KMT2D: variants seen among roughly 807,000 people sequenced by gnomAD.
KMT2D encodes the protein histone-lysine N-methyltransferase 2D.
Under a neutral mutation model 512.7 loss-of-function variants are expected in KMT2D, and 55 were observed. That is an observed-to-expected ratio of 0.11 (90% CI 0.09 to 0.13). The LOEUF (loss-of-function observed/expected upper bound fraction) is 0.13, where lower values mean the gene tolerates loss of function less well. Ranked by LOEUF, KMT2D falls within the 10% of genes least tolerant of loss-of-function variation. KMT2D has a pLI of 1.00. For synonymous variants in KMT2D, 2,995 were observed against 2,904.0 expected, an observed-to-expected ratio of 1.03 and a Z score of -1.01; for missense variants, 6,061 against 7,127.9, an observed-to-expected ratio of 0.85 and a Z score of 5.39.
chr12:49,052,132 C>T lies in KMT2D; in HGVS notation c.1551G>A (p.Glu517=), dbSNP rs1264977897. 3 of 1,612,966 alleles carry T rather than the reference C, an allele frequency of 1.9e-6. No individual in the cohort carries two copies. In the Admixed American group the frequency reaches 5.0e-5, roughly 27 times the overall value. ...PESSPFSPLE[E]SPLSPPEESP... ...ACTCTTCCGGTGGAGACAAGGGCGA[C>T]TCCTCCAGTGGAGAAAAAGGTGATG... The change falls in exon 11 of 55, where the codon GAG becomes GAA. Residue 517 remains glutamate (E), a synonymous_variant. Coordinates refer to ENST00000301067, the MANE Select transcript of KMT2D (RefSeq NM_003482.4).
rs368670448 is a variant in KMT2D at position 49,033,363 on chromosome 12, C to T, written c.11342G>A (p.Ser3781Asn). 1.6e-5 allele frequency: 26 copies of T among 1,584,796 alleles called. No homozygotes were observed. Among genetic ancestry groups the T allele is most frequent in the East Asian group, 1.6e-4 (7 of 43,312 alleles). The stretch of plus-strand genomic sequence containing the variant: ...CTGCTGGACCAGGAGGCCTTGGTGG[C>T]TGCTGGGAGGCATAAGGCCCTGGGG... ...PKPQGLMPPS[S>N]HQGLLVQQLS... Residue 3781 changes from serine to asparagine, a missense_variant, in exon 40 of 55, where the codon AGC becomes AAC. This residue lies in a region of KMT2D where 1,600 missense variants were observed against 1,754.9 expected (regional missense o/e 0.91). Coordinates refer to ENST00000301067, the MANE Select transcript of KMT2D (RefSeq NM_003482.4).
rs565879146 is a variant in KMT2D at position 49,049,798 on chromosome 12, G to A, written c.3790C>T (p.Leu1264=). Residue 1264 remains leucine (L), a synonymous_variant, in exon 12 of 55, where the codon CTG becomes TTG. Coordinates refer to ENST00000301067, the MANE Select transcript of KMT2D (RefSeq NM_003482.4). ...EGSLRLCTDS[L]PETDDSLLCD... is the part of the protein sequence containing the mutation. ...AATAGTGAGTCATCAGTCTCTGGCA[G>A]TGAGTCAGTACAGAGCCGTAGGGAG... The A allele has an allele frequency of 9.3e-5, 150 of 1,613,910 alleles. 3 individuals carry two copies. The South Asian group carries it at 1.4e-3, about 15-fold the overall frequency.
In KMT2D at chr12:49,032,480, G is replaced by T; in HGVS notation, c.12225C>A (p.Leu4075=). ...GCTGGGGCTGGGGTTGGACAAGCAGGAGTTGTGAGTCCCCAGAGAGTGAGG... is the reference window on the plus strand; with the variant it reads ...GCTGGGGCTGGGGTTGGACAAGCAGTAGTTGTGAGTCCCCAGAGAGTGAGG... ...VKPSLSGDSQ[L]LLVQPQPQPQ... Residue 4075 remains leucine (L), a synonymous_variant, in exon 40 of 55, where the codon CTC becomes CTA. Transcript: ENST00000301067. The T allele has an allele frequency of 6.4e-7, 1 of 1,567,956 alleles. No individual in the cohort carries two copies. The highest frequency in any genetic ancestry group is 1.2e-5 in the South Asian group (1 of 86,088).
In KMT2D at chr12:49,026,255, C is replaced by T. The variant is rs2137714988; in HGVS notation, c.15711G>A (p.Gly5237=). The change falls in exon 49 of 55, where the codon GGG becomes GGA. Residue 5237 remains glycine (G), a synonymous_variant. Transcript: ENST00000301067. This position sits in a 1 kb window ranked among gnomAD's most constrained non-coding sequence, Gnocchi z 9.6. ...CYRCSIGENN[G]RPEFVIKVIE... ...TGACTTTGATTACAAACTCCGGCCG[C>T]CCGTTGTTCTCACCAATAGAACAGC... 2 of 1,606,784 alleles carry T rather than the reference C, an allele frequency of 1.2e-6. No individual in the cohort carries two copies. Among genetic ancestry groups the T allele is most frequent in the Non-Finnish European group, 1.7e-6 (2 of 1,173,736 alleles).
Position 49,040,435 on chromosome 12 carries a change from C to G in KMT2D, c.7335G>C (p.Gln2445His), listed in dbSNP as rs756686251. 8 of 1,559,492 alleles carry G rather than the reference C, an allele frequency of 5.1e-6. No individual in the cohort carries two copies. In the African/African-American group the frequency reaches 1.1e-4, roughly 21 times the overall value. The change falls in exon 32 of 55, where the codon CAG (glutamine) becomes CAC (histidine). Residue 2445 changes from glutamine (Q) to histidine (H), a missense_variant. Coordinates refer to ENST00000301067, the MANE Select transcript of KMT2D (RefSeq NM_003482.4). ...GTGGGCGAGAATAAGGGTCAGGGGA[C>G]TGGAAGCGAGGGGTAACGGGTGATG... ...FCPSPVTPRF[Q>H]SPDPYSRPPS...
chr12:49,028,774 G>C, intron 46 of KMT2D, 54 bp downstream of exon 46: 1 of 1,598,492 alleles, frequency 6.3e-7, no homozygotes, highest in Non-Finnish European at 8.5e-7. Context: ...ACAAATTCCA[G>C]GGACTGCCCT....
chr12:49,020,609 C>T lies in KMT2D; in HGVS notation c.*1171G>A, dbSNP rs1319496060. Reference sequence around the variant, plus strand: ...TCCCCGCGCTGACACTAAGCTCCCCCACCCCCACATCACCACCCCTTCCCA... The same window carrying T: ...TCCCCGCGCTGACACTAAGCTCCCCTACCCCCACATCACCACCCCTTCCCA... On this transcript the variant is annotated 3_prime_UTR_variant, in exon 55 of 55. Transcript: ENST00000301067. 9.9e-6 allele frequency: 2 copies of T among 201,558 alleles called. No individual in the cohort carries two copies. Among genetic ancestry groups the T allele is most frequent in the East Asian group, 7.3e-5 (1 of 13,628 alleles). The allele number at this position is 201,558 out of a possible 1,614,324, so 12.5% of individuals were successfully genotyped here.
chr12:49,052,939 T>C lies in KMT2D; in HGVS notation c.1088A>G (p.Glu363Gly), dbSNP rs1418558554. The C allele has an allele frequency of 6.2e-7, 1 of 1,613,864 alleles. No individual in the cohort carries two copies. The highest frequency in any genetic ancestry group is 8.5e-7 in the Non-Finnish European group (1 of 1,179,870). ...QGGQTIRSVA[E>G]QHTPVCSRFS... ...CCTGCTACACACCGGGGTATGCTGC[T>C]CAGCAACGGAGCGGATAGTCTGACC... The change falls in exon 9 of 55, where the codon GAG becomes GGG. Residue 363 changes from glutamate to glycine, a missense_variant. Transcript: ENST00000301067.
chr12:49,031,797 C>A lies in KMT2D; in HGVS notation c.12908G>T (p.Gly4303Val), dbSNP rs2120424754. The change falls in exon 40 of 55, where the codon GGC becomes GTC. Residue 4303 changes from glycine to valine, a missense_variant. By Grantham distance (109) the Gly-to-Val change is moderately radical. Transcript: ENST00000301067. Reference protein sequence around the residue: ...PGALSTGPVLGPVHPTPPPSS... With the variant: ...PGALSTGPVLVPVHPTPPPSS... ...TGGTGGAGGTGTGGGATGGACAGGG[C>A]CAAGGACTGGTCCTGTAGATAAGGC... 1 of 1,600,790 alleles carries A rather than the reference C, an allele frequency of 6.2e-7. No homozygotes were observed. Among genetic ancestry groups the A allele is most frequent in the Non-Finnish European group, 8.5e-7 (1 of 1,172,800 alleles).
rs1053645480 is a variant in KMT2D at position 49,060,176 on chromosome 12, C to CGCGGGGCT, written c.-609_-602dup. On this transcript the variant is annotated 5_prime_UTR_variant, in exon 1 of 55. Transcript: ENST00000301067. The stretch of plus-strand genomic sequence containing the variant: ...TACGGCGACGCGGGGCCGGCGGGGC[C>CGCGGGGCT]GCGGGGCTGAACCTGACACACACCC... 6.6e-6 allele frequency among the ~76,000 whole-genome samples: 1 copy of CGCGGGGCT among 151,646 alleles called. No individual in the cohort carries two copies. Among genetic ancestry groups the CGCGGGGCT allele is most frequent in the Non-Finnish European group, 1.5e-5 (1 of 67,802 alleles).
chr12:49,049,817 T>C lies in KMT2D; in HGVS notation c.3771A>G (p.Leu1257=), dbSNP rs1257722923. ...CTGGCAGTGAGTCAGTACAGAGCCG[T>C]AGGGAGCCCTCATCTCGGGCTGGAC... The part of the protein sequence containing the change: ...DVSPARDEGS[L]RLCTDSLPET... Residue 1257 remains leucine, a synonymous_variant, in exon 12 of 55, where the codon CTA becomes CTG. Coordinates refer to ENST00000301067, the MANE Select transcript of KMT2D (RefSeq NM_003482.4). 6 of 1,613,832 alleles carry C rather than the reference T, an allele frequency of 3.7e-6. No homozygotes were observed. Among genetic ancestry groups the C allele is most frequent in the South Asian group, 1.1e-5 (1 of 91,078 alleles).
At chr12:49,049,658 T>G in intron 12 of KMT2D, 24 bp downstream of exon 12, 1 of 1,546,814 alleles carries the variant, frequency 6.5e-7, no homozygotes, top group Non-Finnish European at 8.8e-7. Flanking sequence ...TCTAATCACA[T>G]CCCGCAGCTA....
At position 49,020,955 on chromosome 12, in the gene KMT2D, A is replaced by AT. The variant is rs1254816385; in HGVS notation, c.*824dup. On this transcript the variant is annotated 3_prime_UTR_variant, in exon 55 of 55. Coordinates refer to ENST00000301067, the MANE Select transcript of KMT2D (RefSeq NM_003482.4). Reference sequence around the variant, plus strand: ...TGCCCATAATTAAAAACAAAGATGGATTTTTTGTTGTTGTTTTTCTTCCTC... The same window carrying AT: ...TGCCCATAATTAAAAACAAAGATGGATTTTTTTGTTGTTGTTTTTCTTCCTC... The AT allele has an allele frequency of 1.5e-5, 3 of 195,516 alleles. No homozygotes were observed. The highest frequency in any genetic ancestry group is 1.9e-4 in the South Asian group (1 of 5,188). 12.1% of individuals were successfully genotyped at this position (195,516 alleles called of 1,614,324 possible).
In KMT2D at chr12:49,050,117, G is replaced by A. The variant is rs770863450; in HGVS notation, c.3471C>T (p.Pro1157=). ...ELKGSPVLLD[P]EELAPVTPME... The stretch of plus-strand genomic sequence containing the variant: ...TAGGGGTCACAGGGGCCAGCTCCTC[G>A]GGGTCCAGGAGCACAGGGGAGCCTT... The change falls in exon 12 of 55, where the codon CCC becomes CCT. Residue 1157 remains proline, a synonymous_variant. Coordinates refer to ENST00000301067, the MANE Select transcript of KMT2D (RefSeq NM_003482.4). 6.8e-6 allele frequency: 11 copies of A among 1,613,278 alleles called. No homozygotes were observed. Among genetic ancestry groups the A allele is most frequent in the South Asian group, 4.4e-5 (4 of 91,078 alleles).
rs1294475809 is a variant in KMT2D at position 49,022,928 on chromosome 12, T to C, written c.16053-53A>G. The C allele has an allele frequency of 1.3e-6, 2 of 1,494,780 alleles. No homozygotes were observed. Among genetic ancestry groups the C allele is most frequent in the Non-Finnish European group, 1.8e-6 (2 of 1,113,962 alleles). The allele number at this position is 1,494,780 out of a possible 1,614,324, so 92.6% of individuals were successfully genotyped here. A position where few individuals can be genotyped will look rare whatever the true frequency, so the allele number is the denominator to read the frequency against. On this transcript the variant is annotated intron_variant, in intron 51 of 54. Coordinates refer to ENST00000301067, the MANE Select transcript of KMT2D (RefSeq NM_003482.4). This position sits in a 1 kb window ranked among gnomAD's most constrained non-coding sequence, Gnocchi z 8.6. ...ACAGCTCTCCCTCAGACCAAGTACA[T>C]ACCACCCACCTCCTCTGCCACCTCC...
rs1565819872 is a variant in KMT2D at position 49,052,089 on chromosome 12, G to A, written c.1594C>T (p.Leu532Phe). The A allele has an allele frequency of 6.2e-7, 1 of 1,612,308 alleles. No homozygotes were observed. The highest frequency in any genetic ancestry group is 1.1e-5 in the South Asian group (1 of 90,988). ...GGTGGTGGGGATAGAGGCGTCTCAAGTGCAGGAGATGGGGGTGACTCTTCC... is the reference window on the plus strand; with the variant it reads ...GGTGGTGGGGATAGAGGCGTCTCAAATGCAGGAGATGGGGGTGACTCTTCC... ...PPEESPPSPA[L>F]ETPLSPPPEA... Residue 532 changes from leucine to phenylalanine, a missense_variant, in exon 11 of 55, where the codon CTT (leucine) becomes TTT (phenylalanine). By Grantham distance (22) the Leu-to-Phe change is conservative. Around this residue, in one of 16 missense-constraint regions of KMT2D, gnomAD observed 848 missense variants for 838.5 expected, o/e 1.01. Coordinates refer to ENST00000301067, the MANE Select transcript of KMT2D (RefSeq NM_003482.4).
At chr12:49,034,704 A>G (rs892907503) in intron 36 of KMT2D, 38 bp from the exon 37 acceptor site, 4 of 1,607,362 alleles carry the variant, frequency 2.5e-6, no homozygotes, top group Non-Finnish European at 3.4e-6. Context: ...AGTGTTGGCA[A>G]TAAGAAAGTT....
rs764906926 is a variant in KMT2D, at chr12:49,030,448, T to TG, written c.13840-10dup. Reference sequence around the variant, plus strand: ...GGGTTACTCAGGTTATTCTGAGGGGTGGGGGGTGGGGTGTTGTGTGCAAGA... The same window carrying TG: ...GGGTTACTCAGGTTATTCTGAGGGGTGGGGGGGTGGGGTGTTGTGTGCAAGA... On this transcript the variant is annotated splice_polypyrimidine_tract_variant and intron_variant, in intron 42 of 54. Coordinates refer to ENST00000301067, the MANE Select transcript of KMT2D (RefSeq NM_003482.4). The TG allele has an allele frequency of 1.5e-5, 4 of 268,430 alleles. No individual in the cohort carries two copies. The highest frequency in any genetic ancestry group is 2.4e-4 in the Admixed American group (2 of 8,348). The allele number at this position is 268,430 out of a possible 1,614,324, so 16.6% of individuals were successfully genotyped here.
rs2120646591 is a variant in KMT2D, at chr12:49,050,168, G to T, written c.3420C>A (p.Thr1140=). 1 of 1,613,722 alleles carries T rather than the reference G, an allele frequency of 6.2e-7. No individual in the cohort carries two copies. The highest frequency in any genetic ancestry group is 8.5e-7 in the Non-Finnish European group (1 of 1,179,854). ...TAAGTTCACTAGCCAAACTGCCAGGGGTCTGTCCAGGCTCTGGCTGTGAAC... is the reference window on the plus strand; with the variant it reads ...TAAGTTCACTAGCCAAACTGCCAGGTGTCTGTCCAGGCTCTGGCTGTGAAC... The part of the protein sequence containing the change: ...APGSQPEPGQ[T]PGSLASELKG... The change falls in exon 12 of 55, where the codon ACC becomes ACA. Residue 1140 remains threonine, a synonymous_variant. Coordinates refer to ENST00000301067, the MANE Select transcript of KMT2D (RefSeq NM_003482.4).
Sources: allele counts gnomAD v4.1 joint callset (sites outside exome capture counted in the v4.1 genomes callset), GRCh38; gene constraint gnomAD v4.1.1; regional missense constraint gnomAD v4.1.1; non-coding constraint Gnocchi (gnomAD v3.1); transcripts MANE v1.5; gene names NCBI Gene and HGNC (gene_info 2026-07-23, HGNC 2026-07-21).